The following PLXNA4 variants were observed in gnomAD, a reference collection of about 807,000 sequenced individuals.
PLXNA4 encodes the protein plexin-A4.
PLXNA4 carries 44 observed loss-of-function variants against 191.8 expected under a neutral mutation model. The ratio of observed to expected loss-of-function variants is 0.23; its 90% confidence interval spans 0.18 to 0.29. The LOEUF (loss-of-function observed/expected upper bound fraction) is 0.29, where lower values mean the gene tolerates loss of function less well. Ranked by LOEUF, PLXNA4 falls within the 10% of genes least tolerant of loss-of-function variation. The probability of loss-of-function intolerance (pLI) is 1.00; values close to 1 mark genes in which losing one functional copy is unlikely to be tolerated. For synonymous variants in PLXNA4, 1,082 were observed against 1,009.5 expected (o/e 1.07, Z -1.36); for missense variants, 1,800 against 2,488.8 (o/e 0.72, Z 5.89).
At chr7:132,577,718 A>T (rs1414601214), upstream of PLXNA4, among the ~76,000 whole-genome samples, 1 of 152,132 alleles carries the variant, frequency 6.6e-6, no homozygotes, top group Non-Finnish European at 1.5e-5. Flanking sequence ...GCGCGCTCAG[A>T]GGGAGGCGCT....
intron 3 of PLXNA4, among the ~76,000 whole-genome samples, chr7:132,394,206 CT>C (rs1793651530): frequency 6.6e-6 from 1 of 152,158 alleles, no homozygotes; most frequent in Non-Finnish European, 1.5e-5. Flanking sequence ...GCCGAGTTTC[CT>C]CTGAAGCGGG....
At chr7:132,560,188 A>G (rs1800976883) in intron 1 of PLXNA4, among the ~76,000 whole-genome samples, 1 of 152,152 alleles carries the variant, frequency 6.6e-6, no homozygotes, top group Admixed American at 6.5e-5. Flanking sequence ...TCCCTAGACC[A>G]CACTGTTTTG....
chr7:132,312,294 T>C (rs1346762622), intron 3 of PLXNA4, among the ~76,000 whole-genome samples: 1 of 152,138 alleles, frequency 6.6e-6, no homozygotes, highest in African/African-American at 2.4e-5. Context: ...TTATTACAAT[T>C]ATTTATGTGG....
rs573552006 is a variant in PLXNA4 at position 132,623,371 on chromosome 7, G to T, written c.-87+22557C>A. ...CAAAAAATAAAATAAAATAAAGAAAGAAAAAGAAAAGAAAAAAGAAAAACT... is the reference window on the plus strand; with the variant it reads ...CAAAAAATAAAATAAAATAAAGAAATAAAAAGAAAAGAAAAAAGAAAAACT... On this transcript the variant is annotated intron_variant, in intron 2 of 4. Transcript: ENST00000378539. 1.3e-3 allele frequency among the ~76,000 whole-genome samples: 198 copies of T among 151,312 alleles called. 1 individual carries two copies. The highest frequency in any genetic ancestry group is 4.4e-3 in the African/African-American group (183 of 41,218).
In PLXNA4 at chr7:132,164,932, G is replaced by A. The variant is rs573918768; in HGVS notation, c.4353+202C>T. Among the ~76,000 whole-genome samples the A allele has an allele frequency of 9.2e-4, 140 of 152,334 alleles. 4 individuals are homozygous for A. The South Asian group carries it at 0.029, about 31-fold the overall frequency. On this transcript the variant is annotated intron_variant, in intron 23 of 31. Coordinates refer to ENST00000321063, the MANE Select transcript of PLXNA4 (RefSeq NM_020911.2). ...TGCCCGGCAGTAGGAAACTAGCCTT[G>A]GGAAGACTGTGTCTTTGGAGCTATG... is the stretch of plus-strand genomic sequence containing the variant.
intron 1 of PLXNA4, among the ~76,000 whole-genome samples, chr7:132,516,387 A>G (rs1423755476): frequency 6.6e-6 from 1 of 152,206 alleles, no homozygotes; most frequent in Non-Finnish European, 1.5e-5. Context: ...GGAATATCAT[A>G]AAAAGCTGTC....
At chr7:132,528,137 A>G (rs1347411927) in intron 1 of PLXNA4, among the ~76,000 whole-genome samples, 1 of 152,188 alleles carries the variant, frequency 6.6e-6, no homozygotes, top group Admixed American at 6.5e-5. Flanking sequence ...CCAACTCGGG[A>G]TGGTCGGCTC....
At chr7:132,573,166 C>G (rs1802057484) in intron 1 of PLXNA4, among the ~76,000 whole-genome samples, 1 of 152,018 alleles carries the variant, frequency 6.6e-6, no homozygotes, top group Non-Finnish European at 1.5e-5. Context: ...AGGGTCTGAG[C>G]CAGTTTCACA....
At chr7:132,479,474 C>G (rs1486660910) in intron 3 of PLXNA4, among the ~76,000 whole-genome samples, 1 of 152,160 alleles carries the variant, frequency 6.6e-6, no homozygotes, top group Non-Finnish European at 1.5e-5. Flanking sequence ...CAAAATAGAG[C>G]TGGGTCCCCA....
At chr7:132,481,635 T>G (rs1167699418) in intron 3 of PLXNA4, among the ~76,000 whole-genome samples, 1 of 152,156 alleles carries the variant, frequency 6.6e-6, no homozygotes, top group Non-Finnish European at 1.5e-5. Flanking sequence ...GCACCACCTC[T>G]TTTCTGCCAG....
chr7:132,380,547 G>GA, intron 3 of PLXNA4, among the ~76,000 whole-genome samples: 1 of 152,290 alleles, frequency 6.6e-6, no homozygotes. Context: ...CATTCTCAAA[G>GA]AATTTCATGA....
Position 132,194,106 on chromosome 7 carries a change from G to C in PLXNA4, c.2812C>G (p.Arg938Gly). ...GAGGACCGGGCCATGAATTCAGGCC[G>C]ACACACAGCCACGCAGATCTCCACG... Reference protein sequence around the residue: ...GFVEICVAVCRPEFMARSSQL... With the variant: ...GFVEICVAVCGPEFMARSSQL... The change falls in exon 14 of 32, where the codon CGG (arginine) becomes GGG (glycine). Residue 938 changes from arginine to glycine, a missense_variant. Around this residue, in one of 6 missense-constraint regions of PLXNA4, gnomAD observed 1,397 missense variants for 1,880.4 expected, o/e 0.74. Transcript: ENST00000321063. 1 of 1,613,712 alleles carries C rather than the reference G, an allele frequency of 6.2e-7. No homozygotes were observed. Among genetic ancestry groups the C allele is most frequent in the Non-Finnish European group, 8.5e-7 (1 of 1,179,854 alleles).
Position 132,211,009 on chromosome 7 carries a change from C to T in PLXNA4, c.2232G>A (p.Gln744=), listed in dbSNP as rs1398024433. 1 of 1,614,100 alleles carries T rather than the reference C, an allele frequency of 6.2e-7. No homozygotes were observed. Among genetic ancestry groups the T allele is most frequent in the Non-Finnish European group, 8.5e-7 (1 of 1,180,028 alleles). ...GGGCGGGCACTCGCTGCTCGCTGCC[C>T]TGAATGTTGAGGATGCATTCGTAGC... ...QRGYECILNI[Q]GSEQRVPALR... is the part of the protein sequence containing the mutation. Residue 744 remains glutamine, a synonymous_variant, in exon 10 of 32, where the codon CAG becomes CAA. Transcript: ENST00000321063.
At chr7:132,434,698 G>T (rs906826478) in intron 3 of PLXNA4, among the ~76,000 whole-genome samples, 1 of 152,174 alleles carries the variant, frequency 6.6e-6, no homozygotes. Flanking sequence ...CTCATTTGGG[G>T]ACACCAAGGC....
At chr7:132,194,707 G>GT (rs1562912821) in intron 13 of PLXNA4, among the ~76,000 whole-genome samples, 1 of 152,138 alleles carries the variant, frequency 6.6e-6, no homozygotes, top group East Asian at 1.9e-4. Flanking sequence ...GAGTGTGTGT[G>GT]TGTATGTGTG....
chr7:132,640,381 T>G (rs1403961614), intron 2 of PLXNA4, among the ~76,000 whole-genome samples: 1 of 152,162 alleles, frequency 6.6e-6, no homozygotes, highest in African/African-American at 2.4e-5. Flanking sequence ...CAAATTAATT[T>G]GTTGAGGCCC....
intron 3 of PLXNA4, among the ~76,000 whole-genome samples, chr7:132,370,668 T>C (rs1411235331): frequency 6.6e-6 from 1 of 152,164 alleles, no homozygotes; most frequent in Non-Finnish European, 1.5e-5. Flanking sequence ...TCCAATCATA[T>C]CACTAATAAA....
chr7:132,507,829 C>T lies in PLXNA4; in HGVS notation c.865G>A (p.Ala289Thr). Residue 289 changes from alanine (A) to threonine (T), a missense_variant, in exon 2 of 32, where the codon GCC (alanine) becomes ACC (threonine). Physicochemically the swap from Ala to Thr is moderately conservative, Grantham distance 58 (BLOSUM62 0). Around this residue, in one of 6 missense-constraint regions of PLXNA4, gnomAD observed 1,397 missense variants for 1,880.4 expected, o/e 0.74. Transcript: ENST00000321063. ...GGCACCTCTACATAGGAGTTGAAGG[C>T]TGTGTCCTCCTTGCAAAGCCTCACG... ...KLVRLCKEDT[A>T]FNSYVEVPIG... The T allele has an allele frequency of 1.9e-6, 3 of 1,614,186 alleles. No homozygotes were observed. The highest frequency in any genetic ancestry group is 2.5e-6 in the Non-Finnish European group (3 of 1,180,038).
chr7:132,424,043 G>A (rs1050518398), intron 3 of PLXNA4, among the ~76,000 whole-genome samples: 10 of 152,228 alleles, frequency 6.6e-5, no homozygotes, highest in Admixed American at 5.2e-4. Flanking sequence ...ACGAGCAGGG[G>A]TCACCTGAGG....
Sources: allele counts gnomAD v4.1 joint callset (sites outside exome capture counted in the v4.1 genomes callset), GRCh38; gene constraint gnomAD v4.1.1; regional missense constraint gnomAD v4.1.1; transcripts MANE v1.5; gene names NCBI Gene and HGNC (gene_info 2026-07-23, HGNC 2026-07-21).